PTCHD4: variants seen among roughly 807,000 people sequenced by gnomAD.
The protein encoded by PTCHD4 is patched domain containing 4, also known as patched domain-containing protein 4.
Under a neutral mutation model 58.1 loss-of-function variants are expected in PTCHD4, and 33 were observed. The ratio of observed to expected loss-of-function variants is 0.57; its 90% CI spans 0.43 to 0.76. The LOEUF (loss-of-function observed/expected upper bound fraction) is 0.76, where lower values mean the gene tolerates loss of function less well. Among genes scored for constraint, PTCHD4 ranks in the 30% least tolerant of loss-of-function variants. PTCHD4 has a pLI of 0.00. For synonymous variants in PTCHD4, 478 were observed against 409.6 expected, an observed-to-expected ratio of 1.17 and a Z score of -2.02; for missense variants, 1,058 against 1,027.1, an observed-to-expected ratio of 1.03 and a Z score of -0.41.
intron 4 of PTCHD4, among the ~76,000 whole-genome samples, chr6:47,938,090 T>C (rs762681578): frequency 6.6e-6 from 1 of 152,002 alleles, no homozygotes; most frequent in Non-Finnish European, 1.5e-5. Flanking sequence ...GAGGCAGAGG[T>C]TGCAGTGAGC....
In PTCHD4 at chr6:48,008,699, C is replaced by T. The variant is rs770676584; in HGVS notation, c.833G>A (p.Gly278Glu). Residue 278 changes from glycine (G) to glutamate (E), a missense_variant, in exon 4 of 5, where the codon GGG becomes GAG. Transcript: ENST00000339488. ...TVCISIITAAGIFFITDGKYN... is the reference protein window; with the variant it reads ...TVCISIITAAEIFFITDGKYN... ...CTTTCCATCGGTGATGAAGAAGATCCCTGCTGCTGTGATGATGGAGATGCA... is the reference window on the plus strand; with the variant it reads ...CTTTCCATCGGTGATGAAGAAGATCTCTGCTGCTGTGATGATGGAGATGCA... 15 of 1,613,698 alleles carry T rather than the reference C, an allele frequency of 9.3e-6. No individual in the cohort carries two copies. Among genetic ancestry groups the T allele is most frequent in the Non-Finnish European group, 1.3e-5 (15 of 1,179,846 alleles).
intron 3 of PTCHD4, among the ~76,000 whole-genome samples, chr6:48,015,220 A>T (rs750047204): frequency 6.6e-6 from 1 of 152,036 alleles, no homozygotes; most frequent in African/African-American, 2.4e-5. Context: ...TTAAGAGTAG[A>T]TGACTTTGGT....
At chr6:48,073,507 T>A (rs558582656) in intron 1 of PTCHD4, among the ~76,000 whole-genome samples, 1 of 152,372 alleles carries the variant, frequency 6.6e-6, no homozygotes. Context: ...TATGCTCTAA[T>A]ACTACCAATT....
At chr6:48,011,697 T>C (rs908902689) in intron 3 of PTCHD4, among the ~76,000 whole-genome samples, 1 of 152,248 alleles carries the variant, frequency 6.6e-6, no homozygotes, top group Non-Finnish European at 1.5e-5. Context: ...AGGGTTTTTA[T>C]GTTTTTATGT....
Position 47,864,509 on chromosome 6 carries a change from T to G in PTCHD4, c.*13794A>C, listed in dbSNP as rs1205499487. 6.6e-6 allele frequency among the ~76,000 whole-genome samples: 1 copy of G among 151,900 alleles called. No individual in the cohort carries two copies. Among genetic ancestry groups the G allele is most frequent in the Non-Finnish European group, 1.5e-5 (1 of 67,896 alleles). On this transcript the variant is annotated 3_prime_UTR_variant, in exon 5 of 5. Coordinates refer to ENST00000339488, the MANE Select transcript of PTCHD4 (RefSeq NM_001384253.1). The stretch of plus-strand genomic sequence containing the variant: ...AGGGGTTAATAGATAATTACATTTT[T>G]TTTGAGTAAGCTACCTGGTGAAAGC...
At position 48,068,612 on chromosome 6, in the gene PTCHD4, C is replaced by T. The variant is rs1764889320; in HGVS notation, c.35G>A (p.Trp12Ter). Residue 12 changes from tryptophan (W) to a stop codon, truncating the protein, a stop_gained, in exon 3 of 5, where the codon TGG becomes TAG. Transcript: ENST00000339488. LOFTEE classifies it high-confidence loss of function. The surrounding 1 kb of genome is among the most constrained non-coding windows in gnomAD (Gnocchi z 4.2). ...AAGCACCTGCCGCAGCATCCTCCAC[C>T]AGATCCAGCTCGCAGGCGCTCCCGG... ...RRPGAPASWI[W>*]WRMLRQVLRR... The T allele has an allele frequency of 6.4e-7, 1 of 1,572,920 alleles. No individual in the cohort carries two copies. The highest frequency in any genetic ancestry group is 8.6e-7 in the Non-Finnish European group (1 of 1,163,836).
intron 1 of PTCHD4, among the ~76,000 whole-genome samples, chr6:48,088,239 C>G (rs976730195): frequency 6.6e-6 from 1 of 151,930 alleles, no homozygotes; most frequent in African/African-American, 2.4e-5. Flanking sequence ...TAGTGTGCCC[C>G]GTTTGGAAGG....
At chr6:47,904,767 C>T (rs2114154016) in intron 4 of PTCHD4, among the ~76,000 whole-genome samples, 1 of 152,184 alleles carries the variant, frequency 6.6e-6, no homozygotes, top group African/African-American at 2.4e-5. Flanking sequence ...AAACATTTAG[C>T]AATCAAAGTT....
At chr6:47,952,577 AAC>A (rs1318573478) in intron 4 of PTCHD4, among the ~76,000 whole-genome samples, 1 of 152,114 alleles carries the variant, frequency 6.6e-6, no homozygotes, top group African/African-American at 2.4e-5. Flanking sequence ...TGCATTATAC[AAC>A]AGTGATTCCA....
rs567205089 is a variant in PTCHD4 at position 47,895,451 on chromosome 6, A to G, written c.899-15515T>C. On this transcript the variant is annotated intron_variant, in intron 4 of 4. Transcript: ENST00000339488. Reference sequence around the variant, plus strand: ...TGATAAAAGCATGTTAGCAGCTTGTAAAATTTATCTCTTTGATACTCACTG... The same window carrying G: ...TGATAAAAGCATGTTAGCAGCTTGTGAAATTTATCTCTTTGATACTCACTG... Among the ~76,000 whole-genome samples the G allele has an allele frequency of 1.4e-4, 22 of 152,346 alleles. No homozygotes were observed. The South Asian group carries it at 1.4e-3, about 10-fold the overall frequency.
chr6:48,107,818 GA>G (rs1336715863), intron 1 of PTCHD4, among the ~76,000 whole-genome samples: 3 of 152,158 alleles, frequency 2.0e-5, no homozygotes, highest in Non-Finnish European at 2.9e-5. Flanking sequence ...CTCAAAAGAA[GA>G]CATTTATGCA....
intron 1 of PTCHD4, among the ~76,000 whole-genome samples, chr6:48,089,261 T>A (rs1296202987): frequency 6.6e-6 from 1 of 152,186 alleles, no homozygotes; most frequent in Non-Finnish European, 1.5e-5. Context: ...TTAGGAATAA[T>A]CTAAGTATTC....
intron 4 of PTCHD4, among the ~76,000 whole-genome samples, chr6:47,947,744 G>C (rs991018792): frequency 4.0e-5 from 6 of 151,852 alleles, no homozygotes; most frequent in Non-Finnish European, 7.4e-5. Context: ...TAAATATTTG[G>C]ATATGGATAT....
intron 4 of PTCHD4, among the ~76,000 whole-genome samples, chr6:47,948,900 T>G (rs1197522482): frequency 1.3e-5 from 2 of 152,192 alleles, no homozygotes; most frequent in Non-Finnish European, 2.9e-5. Flanking sequence ...ATTGAATTAC[T>G]TGCAGCTCAC....
chr6:48,050,745 C>T (rs958858081), intron 3 of PTCHD4, among the ~76,000 whole-genome samples: 1 of 151,978 alleles, frequency 6.6e-6, no homozygotes, highest in African/African-American at 2.4e-5. Flanking sequence ...TGACCTATCC[C>T]TGTCTTCAAA....
intron 1 of PTCHD4, among the ~76,000 whole-genome samples, chr6:48,083,008 T>C (rs1426835527): frequency 2.0e-5 from 3 of 151,654 alleles, no homozygotes; most frequent in Non-Finnish European, 2.9e-5. Context: ...TATAAGCATA[T>C]AAATAGTTAC....
chr6:47,878,385 T>TG lies in PTCHD4; in HGVS notation c.2449_2450insC (p.Lys817ThrfsTer13). 1 of 1,613,060 alleles carries TG rather than the reference T, an allele frequency of 6.2e-7. No individual in the cohort carries two copies. The highest frequency in any genetic ancestry group is 8.5e-7 in the Non-Finnish European group (1 of 1,179,522). ...TCTCTCCTTTCGCTTGGCACGTTTC[T>TG]TTTTCTTGTGGTGCTTTTTGGAAGG... On this transcript the variant is annotated frameshift_variant, in exon 5 of 5. Coordinates refer to ENST00000339488, the MANE Select transcript of PTCHD4 (RefSeq NM_001384253.1). LOFTEE classifies it high-confidence loss of function.
Position 47,938,421 on chromosome 6 carries a change from A to G in PTCHD4, c.899-58485T>C, listed in dbSNP as rs564257750. On this transcript the variant is annotated intron_variant, in intron 4 of 4. Transcript: ENST00000339488. ...TAACAAAGAAGCAAAGGGATTAGAT[A>G]GAAGCCAGGAAAGAAAAGGGAGGGC... Among the ~76,000 whole-genome samples, 201 of 152,308 alleles carry G rather than the reference A, an allele frequency of 1.3e-3. 1 individual carries two copies. The highest frequency in any genetic ancestry group is 4.1e-3 in the African/African-American group (172 of 41,582).
intron 4 of PTCHD4, among the ~76,000 whole-genome samples, chr6:47,880,181 A>G (rs73736534): frequency 0.035 from 5,318 of 152,226 alleles, 342 homozygotes; most frequent in African/African-American, 0.12. Context: ...CTGTTCTATC[A>G]ATGTGACAAG....
Sources: gnomAD v4.1 joint callset for allele counts (sites outside exome capture counted in the v4.1 genomes callset) on GRCh38, gnomAD v4.1.1 for gene constraint, Gnocchi (gnomAD v3.1) non-coding constraint, MANE v1.5 for transcripts, NCBI Gene and HGNC (gene_info 2026-07-23, HGNC 2026-07-21) for gene names.